Variants in KCNJ6 observed in about 807,000 individuals in gnomAD.
KCNJ6 encodes the protein potassium inwardly rectifying channel subfamily J member 6.
KCNJ6 carries 9 observed loss-of-function variants against 34.2 expected under a neutral mutation model. The ratio of observed to expected loss-of-function variants is 0.26; its 90% CI spans 0.16 to 0.46. KCNJ6 has a LOEUF of 0.46. Among genes scored for constraint, KCNJ6 ranks in the 20% least tolerant of loss-of-function variants. The pLI is 1.00. For missense variants in KCNJ6, 236 were observed against 531.3 expected, an observed-to-expected ratio of 0.44 and a Z score of 5.46; for synonymous variants, 196 against 207.1, an observed-to-expected ratio of 0.95 and a Z score of 0.46.
intron 2 of KCNJ6, among the ~76,000 whole-genome samples, chr21:37,744,690 A>G (rs1349332551): frequency 6.6e-6 from 1 of 152,124 alleles, no homozygotes; most frequent in Non-Finnish European, 1.5e-5. Context: ...CTCCTATGCA[A>G]TGTTTTTCAG....
chr21:37,873,563 G>A (rs542780729), intron 1 of KCNJ6, among the ~76,000 whole-genome samples: 44 of 152,282 alleles, frequency 2.9e-4, no homozygotes, highest in Non-Finnish European at 4.7e-4. Context: ...GTGCATACTC[G>A]TCTAGGCTTG....
chr21:37,847,972 G>A (rs1372375186), intron 1 of KCNJ6, among the ~76,000 whole-genome samples: 1 of 152,196 alleles, frequency 6.6e-6, no homozygotes, highest in Non-Finnish European at 1.5e-5. Flanking sequence ...ATGAGGAAAG[G>A]TGGGGAAGCT....
At chr21:37,651,915 T>A (rs1218717075) in intron 3 of KCNJ6, among the ~76,000 whole-genome samples, 1 of 152,222 alleles carries the variant, frequency 6.6e-6, no homozygotes, top group Admixed American at 6.5e-5. Context: ...CTTGTAACCT[T>A]ATTTTCAACC....
intron 3 of KCNJ6, among the ~76,000 whole-genome samples, chr21:37,699,406 C>T (rs894160122): frequency 6.6e-6 from 1 of 152,134 alleles, no homozygotes; most frequent in Non-Finnish European, 1.5e-5. Context: ...GGAAGGGATA[C>T]TTAGGGATAG....
rs746566588 is a variant in KCNJ6 at position 37,714,221 on chromosome 21, C to T, written c.936G>A (p.Val312=). Residue 312 remains valine (V), a synonymous_variant, in exon 3 of 4, where the codon GTG becomes GTA. Transcript: ENST00000609713. The surrounding 1 kb of genome is among the most constrained non-coding windows in gnomAD (Gnocchi z 5.9). ...LEIVVILEGM[V]EATGMTCQAR... is the part of the protein sequence containing the mutation. ...TAGAACACATCTTACCTGTGGCTTC[C>T]ACCATTCCTTCTAGGATGACCACAA... The T allele has an allele frequency of 3.7e-6, 6 of 1,612,738 alleles. No homozygotes were observed. The highest frequency in any genetic ancestry group is 5.1e-6 in the Non-Finnish European group (6 of 1,179,042).
intron 1 of KCNJ6, among the ~76,000 whole-genome samples, chr21:37,845,742 T>C (rs1213646082): frequency 6.6e-6 from 1 of 152,150 alleles, no homozygotes; most frequent in African/African-American, 2.4e-5. Context: ...ACAAAGCAAA[T>C]TTCCCTGAAA....
intron 3 of KCNJ6, among the ~76,000 whole-genome samples, chr21:37,700,864 A>T (rs1052914907): frequency 6.6e-6 from 1 of 152,080 alleles, no homozygotes; most frequent in African/African-American, 2.4e-5. Flanking sequence ...CCTTTTGCTC[A>T]TTTGCATAAG....
intron 3 of KCNJ6, among the ~76,000 whole-genome samples, chr21:37,653,275 A>C (rs2054442169): frequency 6.6e-6 from 1 of 152,194 alleles, no homozygotes. Flanking sequence ...AGGAAACGAT[A>C]ATGAATTTGG....
rs181444273 is a variant in KCNJ6 at position 37,762,016 on chromosome 21, C to A, written c.26-46885G>T. On this transcript the variant is annotated intron_variant, in intron 2 of 3. Coordinates refer to ENST00000609713, the MANE Select transcript of KCNJ6 (RefSeq NM_002240.5). ...GAGGAGTTGCTGATCTGGTTTAGGG[C>A]GGGCCAGGAGTCTTTTAGCTCCAGA... 5.2e-3 allele frequency among the ~76,000 whole-genome samples: 794 copies of A among 152,166 alleles called. 4 individuals carry two copies. In the Middle Eastern group the frequency reaches 0.058, roughly 11 times the overall value.
intron 2 of KCNJ6, among the ~76,000 whole-genome samples, chr21:37,828,924 G>A (rs1277022413): frequency 6.6e-6 from 1 of 152,150 alleles, no homozygotes; most frequent in Non-Finnish European, 1.5e-5. Context: ...TCTTCCAAAT[G>A]GCCATTTGTT....
intron 2 of KCNJ6, among the ~76,000 whole-genome samples, chr21:37,788,841 C>T (rs1337402645): frequency 6.6e-6 from 1 of 152,154 alleles, no homozygotes; most frequent in Non-Finnish European, 1.5e-5. Flanking sequence ...CCAGCTCAAA[C>T]TGCTGACTAT....
chr21:37,625,189 C>A lies in KCNJ6; in HGVS notation c.1242G>T (p.Val414=), dbSNP rs1421454112. The stretch of plus-strand genomic sequence containing the variant: ...CTTTGGATTCATTCTCCAGGTTTGC[C>A]ACATCACCATTTCTTTCTGTTTGCT... ...LEEQTERNGD[V]ANLENESKV The change falls in exon 4 of 4, where the codon GTG becomes GTT. Residue 414 remains valine (V), a synonymous_variant. Transcript: ENST00000609713. The A allele has an allele frequency of 1.2e-6, 2 of 1,614,100 alleles. No homozygotes were observed. The highest frequency in any genetic ancestry group is 2.7e-5 in the African/African-American group (2 of 75,038).
Position 37,689,078 on chromosome 21 carries a change from G to A in KCNJ6, c.946+25133C>T, listed in dbSNP as rs2054628023. 2.0e-5 allele frequency among the ~76,000 whole-genome samples: 3 copies of A among 152,320 alleles called. 1 individual carries two copies. The highest frequency in any genetic ancestry group is 4.2e-4 in the South Asian group (2 of 4,816). ...ATAAATCAATGGATATCTGAATGAT[G>A]TATGTATATGTATAATATATCTCTA... On this transcript the variant is annotated intron_variant, in intron 3 of 3. Transcript: ENST00000609713.
intron 3 of KCNJ6, among the ~76,000 whole-genome samples, chr21:37,647,138 G>A (rs1172455953): frequency 6.6e-6 from 1 of 152,118 alleles, no homozygotes; most frequent in Non-Finnish European, 1.5e-5. Context: ...ATAGCACAGG[G>A]CAGAACATGT....
At chr21:37,744,184 G>T in intron 2 of KCNJ6, among the ~76,000 whole-genome samples, 1 of 124,602 alleles carries the variant, frequency 8.0e-6, no homozygotes, top group Admixed American at 8.7e-5. Context: ...AGGGGGGAGG[G>T]ATAGCATTAG....
Position 37,621,383 on chromosome 21 carries a change from C to T in KCNJ6, c.*3776G>A, listed in dbSNP as rs552212752. 2 of 152,304 alleles carry T rather than the reference C, an allele frequency of 1.3e-5. No homozygotes were observed. Among genetic ancestry groups the T allele is most frequent in the Admixed American group, 1.3e-4 (2 of 15,302 alleles). The allele number at this position is 152,304 out of a possible 1,614,324, so 9.4% of individuals were successfully genotyped here. On this transcript the variant is annotated 3_prime_UTR_variant, in exon 4 of 4. Transcript: ENST00000609713. ...CCCCCTTTCTCTGTCCACCAGTTCC[C>T]ACCTTTGTAAGCAGTTTCTAAATAT...
rs1282630012 is a variant in KCNJ6, at chr21:37,616,200, G to C, written c.*8959C>G. On this transcript the variant is annotated 3_prime_UTR_variant, in exon 4 of 4. Transcript: ENST00000609713. Reference sequence around the variant, plus strand: ...AGCCAAGCACATCCTCGGTAACCAGGCACCCACAAGTGCTGGGAGTTTCCC... The same window carrying C: ...AGCCAAGCACATCCTCGGTAACCAGCCACCCACAAGTGCTGGGAGTTTCCC... 1 of 152,294 alleles carries C rather than the reference G, an allele frequency of 6.6e-6. No homozygotes were observed. Among genetic ancestry groups the C allele is most frequent in the Non-Finnish European group, 1.5e-5 (1 of 68,112 alleles). The allele number at this position is 152,294 out of a possible 1,614,324, so 9.4% of individuals were successfully genotyped here.
chr21:37,676,683 T>C (rs2054566320), intron 3 of KCNJ6, among the ~76,000 whole-genome samples: 1 of 152,244 alleles, frequency 6.6e-6, no homozygotes, highest in African/African-American at 2.4e-5. Flanking sequence ...CAGGGTTGTG[T>C]TGGCCCAAGT....
At chr21:37,887,293 C>T (rs2123630542) in intron 1 of KCNJ6, among the ~76,000 whole-genome samples, 1 of 152,198 alleles carries the variant, frequency 6.6e-6, no homozygotes, top group Middle Eastern at 3.4e-3. Context: ...ATTGACTAAC[C>T]CTCCCCCAGC....
Sources: allele counts gnomAD v4.1 joint callset (sites outside exome capture counted in the v4.1 genomes callset), GRCh38; gene constraint gnomAD v4.1.1; non-coding constraint Gnocchi (gnomAD v3.1); transcripts MANE v1.5; gene names NCBI Gene and HGNC (gene_info 2026-07-23, HGNC 2026-07-21).